Variants in NRXN3 observed in about 807,000 individuals in gnomAD.
NRXN3 encodes neurexin III.
In NRXN3, 32 loss-of-function variants were observed where a neutral mutation model predicts 137.6. The ratio of observed to expected loss-of-function variants is 0.23; its 90% CI spans 0.18 to 0.31. The LOEUF (loss-of-function observed/expected upper bound fraction) is 0.31, where lower values mean the gene tolerates loss of function less well. Among genes scored for constraint, NRXN3 ranks in the 10% least tolerant of loss-of-function variants. NRXN3 has a pLI of 1.00. For synonymous variants in NRXN3, 798 were observed against 784.5 expected (o/e 1.02, Z -0.29); for missense variants, 1,574 against 2,062.5 (o/e 0.76, Z 4.59).
intron 15 of NRXN3, among the ~76,000 whole-genome samples, chr14:79,176,062 T>C (rs2062307625): frequency 6.6e-6 from 1 of 152,198 alleles, no homozygotes. Flanking sequence ...TGCATTGGAC[T>C]TTCCATCACA....
At position 79,167,501 on chromosome 14, in the gene NRXN3, A is replaced by G. The variant is rs190120988; in HGVS notation, c.3262+179360A>G. 4.6e-5 allele frequency among the ~76,000 whole-genome samples: 7 copies of G among 152,154 alleles called. No homozygotes were observed. In the South Asian group the frequency reaches 1.2e-3, roughly 27 times the overall value. On this transcript the variant is annotated intron_variant, in intron 15 of 20. Coordinates refer to ENST00000335750, the MANE Select transcript of NRXN3 (RefSeq NM_001330195.2). ...CCAGCCCACATTAGGGCACTGTTCA[A>G]ATTTCAGATACTCAGGAAGGCCAAT...
chr14:78,558,402 C>G (rs1358498456), intron 4 of NRXN3, among the ~76,000 whole-genome samples: 2 of 152,170 alleles, frequency 1.3e-5, no homozygotes, highest in African/African-American at 2.4e-5. Flanking sequence ...AGTATCTAAA[C>G]AAAGTGTGTT....
intron 16 of NRXN3, among the ~76,000 whole-genome samples, chr14:79,589,148 G>A (rs755981251): frequency 1.3e-5 from 2 of 152,056 alleles, no homozygotes; most frequent in African/African-American, 2.4e-5. Flanking sequence ...CTAGCTATTC[G>A]GGAGGCTGAC....
At chr14:79,669,891 C>G (rs2098596989) in intron 17 of NRXN3, among the ~76,000 whole-genome samples, 2 of 152,004 alleles carry the variant, frequency 1.3e-5, no homozygotes, top group Non-Finnish European at 2.9e-5. Flanking sequence ...TTAAAAAAAG[C>G]TCCTAAGGTG....
intron 10 of NRXN3, among the ~76,000 whole-genome samples, chr14:78,927,312 C>T (rs2099308700): frequency 6.6e-6 from 1 of 151,782 alleles, no homozygotes; most frequent in African/African-American, 2.4e-5. Flanking sequence ...ATTCCTGAGT[C>T]CTACAGAACA....
At chr14:79,607,763 TCC>T (rs139801215) in intron 16 of NRXN3, among the ~76,000 whole-genome samples, 3,358 of 151,394 alleles carry the variant, frequency 0.022, 129 homozygotes, top group African/African-American at 0.077. Flanking sequence ...ACCTCCCTTC[TCC>T]CCTCTTGGGC....
intron 10 of NRXN3, among the ~76,000 whole-genome samples, chr14:78,884,616 AG>A (rs1260670028): frequency 6.6e-6 from 1 of 152,208 alleles, no homozygotes; most frequent in African/African-American, 2.4e-5. Context: ...GATTTAAAAA[AG>A]ATACTTACAT....
intron 4 of NRXN3, among the ~76,000 whole-genome samples, chr14:78,372,643 G>T (rs1441561449): frequency 1.3e-5 from 2 of 152,130 alleles, no homozygotes; most frequent in Admixed American, 1.3e-4. Context: ...CATATTTTCT[G>T]AGTTAGAACT....
At chr14:78,945,801 T>C (rs919831157) in intron 10 of NRXN3, among the ~76,000 whole-genome samples, 8 of 152,228 alleles carry the variant, frequency 5.3e-5, no homozygotes, top group Non-Finnish European at 8.8e-5. Flanking sequence ...GCTGCAGTGC[T>C]TCTTCATGCC....
chr14:79,368,615 T>C (rs1044789629), intron 15 of NRXN3, among the ~76,000 whole-genome samples: 5 of 152,196 alleles, frequency 3.3e-5, no homozygotes, highest in African/African-American at 4.8e-5. Flanking sequence ...AGTTAATTTG[T>C]GTACTCTACC....
chr14:78,355,951 T>C (rs1403856294), intron 4 of NRXN3, among the ~76,000 whole-genome samples: 1 of 152,186 alleles, frequency 6.6e-6, no homozygotes, highest in African/African-American at 2.4e-5. Flanking sequence ...GTTTGTTCCA[T>C]TTGTGGTGGA....
At chr14:78,193,517 T>G (rs2060934661) in intron 1 of NRXN3, among the ~76,000 whole-genome samples, 1 of 152,084 alleles carries the variant, frequency 6.6e-6, no homozygotes, top group Non-Finnish European at 1.5e-5. Context: ...AACTTGAATA[T>G]CAAGCACAAA....
At chr14:79,771,316 C>A (rs531880156) in intron 19 of NRXN3, among the ~76,000 whole-genome samples, 7 of 152,168 alleles carry the variant, frequency 4.6e-5, no homozygotes, top group African/African-American at 1.7e-4. Context: ...GGCAGAGACA[C>A]AACCAAAAAA....
At chr14:79,414,477 C>T (rs1215925527) in intron 15 of NRXN3, among the ~76,000 whole-genome samples, 2 of 151,914 alleles carry the variant, frequency 1.3e-5, no homozygotes, top group African/African-American at 4.8e-5. Context: ...TGATCTAAAC[C>T]CTCAACTGTT....
chr14:79,753,560 G>A, intron 19 of NRXN3, among the ~76,000 whole-genome samples: 1 of 116,004 alleles, frequency 8.6e-6, no homozygotes, highest in East Asian at 3.1e-4. Flanking sequence ...TCACACTCTG[G>A]GGACTGTTGT....
rs535850986 is a variant in NRXN3, at chr14:79,298,243, C to A, written c.3263-168978C>A. Among the ~76,000 whole-genome samples, 3 of 152,142 alleles carry A rather than the reference C, an allele frequency of 2.0e-5. No homozygotes were observed. In the South Asian group the frequency reaches 6.2e-4, roughly 32 times the overall value. On this transcript the variant is annotated intron_variant, in intron 15 of 20. Transcript: ENST00000335750. ...AACTGGCTTATAATGACATGACCAG[C>A]CAGAGGCTAATTTCTGTGGTATTTC... is the stretch of plus-strand genomic sequence containing the variant.
chr14:79,412,076 A>G (rs1250577962), intron 15 of NRXN3, among the ~76,000 whole-genome samples: 1 of 152,120 alleles, frequency 6.6e-6, no homozygotes, highest in Non-Finnish European at 1.5e-5. Context: ...GTTAATCTAC[A>G]TGTCCCTGAG....
At chr14:78,201,693 T>C (rs1005410791) in intron 1 of NRXN3, among the ~76,000 whole-genome samples, 4 of 152,112 alleles carry the variant, frequency 2.6e-5, no homozygotes, top group African/African-American at 9.7e-5. Flanking sequence ...ATATGTTTGC[T>C]ACACGAAGGA....
At chr14:79,532,180 G>A (rs1447209144) in intron 16 of NRXN3, among the ~76,000 whole-genome samples, 1 of 152,090 alleles carries the variant, frequency 6.6e-6, no homozygotes, top group Non-Finnish European at 1.5e-5. Context: ...ACCCACATTA[G>A]CATTTATAGC....
Sources: allele counts gnomAD v4.1 joint callset (sites outside exome capture counted in the v4.1 genomes callset), GRCh38; gene constraint gnomAD v4.1.1; transcripts MANE v1.5; gene names NCBI Gene and HGNC (gene_info 2026-07-23, HGNC 2026-07-21).